TELO2: variants seen among roughly 807,000 people sequenced by gnomAD.
The protein encoded by TELO2 is telomere length regulation protein TEL2 homolog.
TELO2 carries 71 observed loss-of-function variants against 91.0 expected under a neutral mutation model. The ratio of observed to expected loss-of-function variants is 0.78; its 90% confidence interval spans 0.64 to 0.95. The LOEUF is 0.95. Among genes scored for constraint, TELO2 ranks in the 40% least tolerant of loss-of-function variants. The pLI is 0.00. For missense variants in TELO2, 1,183 were observed against 1,141.3 expected (o/e 1.04, Z -0.53); for synonymous variants, 584 against 518.9 (o/e 1.13, Z -1.71).
intron 6 of TELO2, 85 bp from the exon 7 acceptor site, chr16:1,500,011 C>A (rs1386115791): frequency 6.8e-6 from 10 of 1,473,110 alleles, no homozygotes; most frequent in Non-Finnish European, 9.1e-6. Flanking sequence ...TGGTCCCAGT[C>A]CTGGCATGGC....
In TELO2 at chr16:1,501,422, C is replaced by G. The variant is rs1480048813; in HGVS notation, c.1284C>G (p.Tyr428Ter). The part of the protein sequence containing the change: ...HPEGPPLKFQ[Y>*]EEDELSLELL... ...CTGAGCCTGCTCCCCTGCTGTAGTA[C>G]GAAGAGGATGAACTGAGCCTCGAGC... Residue 428 changes from tyrosine to a stop codon, truncating the protein, a stop_gained and splice_region_variant, in exon 10 of 21, where the codon TAC becomes TAG. Transcript: ENST00000262319. LOFTEE classifies it high-confidence loss of function. 2 of 1,612,234 alleles carry G rather than the reference C, an allele frequency of 1.2e-6. No individual in the cohort carries two copies. Among genetic ancestry groups the G allele is most frequent in the African/African-American group, 1.3e-5 (1 of 74,902 alleles).
At position 1,495,410 on chromosome 16, in the gene TELO2, G is replaced by T. The variant is rs546381064; in HGVS notation, c.400G>T (p.Ala134Ser). The T allele has an allele frequency of 1.1e-4, 172 of 1,590,948 alleles. 3 individuals carry two copies. In the South Asian group the frequency reaches 1.9e-3, roughly 18 times the overall value. Residue 134 changes from alanine to serine, a missense_variant, in exon 3 of 21, where the codon GCA becomes TCA. Ala to Ser is a moderately conservative substitution (Grantham distance 99). Transcript: ENST00000262319. Reference protein sequence around the residue: ...LARFLREGRLAVLMEAQCRQQ... With the variant: ...LARFLREGRLSVLMEAQCRQQ... Reference sequence around the variant, plus strand: ...CAGATTCCTGCGCGAGGGCCGGCTGGCAGTGCTGATGGAGGCGCAGTGTCG... The same window carrying T: ...CAGATTCCTGCGCGAGGGCCGGCTGTCAGTGCTGATGGAGGCGCAGTGTCG...
Position 1,507,291 on chromosome 16 carries a change from T to C in TELO2, c.2227-15T>C. On this transcript the variant is annotated splice_polypyrimidine_tract_variant and intron_variant, in intron 18 of 20. Coordinates refer to ENST00000262319, the MANE Select transcript of TELO2 (RefSeq NM_016111.4). ...GCGTCGGGACCCCACTGACTGTCCCTCTGCTGGTGTCCAGGTGGCTGTGGC... is the reference window on the plus strand; with the variant it reads ...GCGTCGGGACCCCACTGACTGTCCCCCTGCTGGTGTCCAGGTGGCTGTGGC... 6.2e-7 allele frequency: 1 copy of C among 1,607,138 alleles called. No homozygotes were observed.
In TELO2 at chr16:1,494,874, C is replaced by G. The variant is rs2039421060; in HGVS notation, c.335+258C>G. On this transcript the variant is annotated intron_variant, in intron 2 of 20. Transcript: ENST00000262319. The surrounding 1 kb of genome is among the most constrained non-coding windows in gnomAD (Gnocchi z 5.6). Reference sequence around the variant, plus strand: ...AGGGATGGGGTGGGAGTGTTCACATCCCAGGCGGCAGAGGCAGCCCGTCAG... The same window carrying G: ...AGGGATGGGGTGGGAGTGTTCACATGCCAGGCGGCAGAGGCAGCCCGTCAG... Among the ~76,000 whole-genome samples the G allele has an allele frequency of 6.6e-6, 1 of 152,168 alleles. No homozygotes were observed. Among genetic ancestry groups the G allele is most frequent in the Admixed American group, 6.5e-5 (1 of 15,284 alleles).
rs754820104 is a variant in TELO2 at position 1,502,323 on chromosome 16, G to A, written c.1572G>A (p.Thr524=). ...CTGGGTTCTGTGCAGCCCTGACCAC[G>A]TCTGAGGACATAGAGCGCTGGGAGG... is the stretch of plus-strand genomic sequence containing the variant. ...YVRDCVEALT[T]SEDIERWEAA... is the part of the protein sequence containing the mutation. The change falls in exon 13 of 21, where the codon ACG becomes ACA. Residue 524 remains threonine, a synonymous_variant. Transcript: ENST00000262319. The A allele has an allele frequency of 1.6e-5, 26 of 1,605,404 alleles. No individual in the cohort carries two copies. The highest frequency in any genetic ancestry group is 4.5e-5 in the East Asian group (2 of 44,608).
At chr16:1,507,871 T>TTGGCCCGGG (rs1164793926) in intron 20 of TELO2, among the ~76,000 whole-genome samples, 155 bp downstream of exon 20, 1 of 83,606 alleles carries the variant, frequency 1.2e-5, no homozygotes, top group Non-Finnish European at 2.2e-5. Flanking sequence ...TGTGTGTGTG[T>TTGGCCCGGG]GTGTGTGTGT....
At chr16:1,504,874 G>GCCT (rs112754808) in intron 15 of TELO2, among the ~76,000 whole-genome samples, 14,585 of 152,030 alleles carry the variant, frequency 0.096, 1,190 homozygotes, top group East Asian at 0.18. Context: ...TCACGCAGCC[G>GCCT]CCTCTGTCTA....
At position 1,494,130 on chromosome 16, in the gene TELO2, G is replaced by C. The variant is rs2039395789; in HGVS notation, c.-36-116G>C. ...ACTGGAGGGGAAGGAGGCGGGACAG[G>C]GTTGGGTGGGACCAGGGTTGAGGGG... On this transcript the variant is annotated intron_variant, in intron 1 of 20. Coordinates refer to ENST00000262319, the MANE Select transcript of TELO2 (RefSeq NM_016111.4). The surrounding 1 kb of genome is among the most constrained non-coding windows in gnomAD (Gnocchi z 5.6). 1.5e-6 allele frequency: 1 copy of C among 676,682 alleles called. No individual in the cohort carries two copies. Among genetic ancestry groups the C allele is most frequent in the African/African-American group, 1.8e-5 (1 of 55,404 alleles). The allele number at this position is 676,682 out of a possible 1,614,324, so 41.9% of individuals were successfully genotyped here.
intron 15 of TELO2, among the ~76,000 whole-genome samples, chr16:1,503,757 A>C (rs1323854883): frequency 2.0e-5 from 3 of 152,142 alleles, no homozygotes; most frequent in African/African-American, 7.2e-5. Flanking sequence ...TTGGGAAGGC[A>C]AAAGAGTTCT....
In TELO2 at chr16:1,497,318, G is replaced by A; in HGVS notation, c.683-43G>A. 2.6e-6 allele frequency: 4 copies of A among 1,512,520 alleles called. No individual in the cohort carries two copies. The highest frequency in any genetic ancestry group is 2.5e-5 in the East Asian group (1 of 40,392). The allele number at this position is 1,512,520 out of a possible 1,614,324, so 93.7% of individuals were successfully genotyped here. A position where few individuals can be genotyped will look rare whatever the true frequency, so the allele number is the denominator to read the frequency against. On this transcript the variant is annotated intron_variant, in intron 4 of 20. Transcript: ENST00000262319. This position sits in a 1 kb window ranked among gnomAD's most constrained non-coding sequence, Gnocchi z 4.0. ...ACCCACACAGCCCCAGACACCAGGT[G>A]GGTGCAGCTCCCCAGGCTCAGGTCC...
chr16:1,500,265 G>A (rs946316547), intron 7 of TELO2, 82 bp from the exon 8 acceptor site: 56 of 1,530,772 alleles, frequency 3.7e-5, no homozygotes, highest in Non-Finnish European at 4.9e-5. Context: ...GGCTGGGGCG[G>A]AGCTCCCTCA....
chr16:1,499,144 G>A (rs1388567886), intron 5 of TELO2, 87 bp from the exon 6 acceptor site: 17 of 1,393,960 alleles, frequency 1.2e-5, no homozygotes, highest in South Asian at 3.5e-5. Flanking sequence ...GAGTCAGGCC[G>A]CCGTCTGTGG....
At position 1,497,598 on chromosome 16, in the gene TELO2, G is replaced by T. The variant is rs899041826; in HGVS notation, c.830+90G>T. On this transcript the variant is annotated intron_variant, in intron 5 of 20. Transcript: ENST00000262319. This position sits in a 1 kb window ranked among gnomAD's most constrained non-coding sequence, Gnocchi z 4.0. ...TTCCTTCACGCTACTTCTCCTGGGCGCCGTGCTGCAGCTGGCACCCCCATG... is the reference window on the plus strand; with the variant it reads ...TTCCTTCACGCTACTTCTCCTGGGCTCCGTGCTGCAGCTGGCACCCCCATG... 2 of 1,453,868 alleles carry T rather than the reference G, an allele frequency of 1.4e-6. No individual in the cohort carries two copies. Among genetic ancestry groups the T allele is most frequent in the Non-Finnish European group, 1.8e-6 (2 of 1,100,310 alleles). 90.1% of individuals were successfully genotyped at this position (1,453,868 alleles called of 1,614,324 possible). A position where few individuals can be genotyped will look rare whatever the true frequency, so the allele number is the denominator to read the frequency against.
chr16:1,502,205 A>G, intron 12 of TELO2, 70 bp downstream of exon 12: 1 of 1,594,896 alleles, frequency 6.3e-7, no homozygotes, highest in Non-Finnish European at 8.5e-7. Flanking sequence ...GTTCTGCCTC[A>G]AGGGGCCACC....
intron 20 of TELO2, 46 bp from the exon 21 acceptor site, chr16:1,509,784 C>G (rs765989292): frequency 1.2e-4 from 189 of 1,525,400 alleles, no homozygotes; most frequent in Non-Finnish European, 1.6e-4. Context: ...AGGGAGAATA[C>G]GCCCTCCACG....
chr16:1,501,296 G>T (rs1488742810), intron 9 of TELO2, 124 bp from the exon 10 acceptor site: 2 of 1,013,036 alleles, frequency 2.0e-6, no homozygotes, highest in East Asian at 5.2e-5. Context: ...GCTATCCAGG[G>T]CCCAGCCACT....
intron 3 of TELO2, among the ~76,000 whole-genome samples, chr16:1,496,748 G>A (rs1253843534): frequency 3.3e-5 from 5 of 152,228 alleles, no homozygotes; most frequent in Admixed American, 1.3e-4. Flanking sequence ...CCCTATCGAT[G>A]CTTTCTCTCC....
intron 17 of TELO2, 120 bp from the exon 18 acceptor site, chr16:1,506,832 G>A (rs1378173052): frequency 3.5e-6 from 5 of 1,435,158 alleles, no homozygotes; most frequent in Non-Finnish European, 3.6e-6. Flanking sequence ...GTGCAGGCAA[G>A]GCGGTGGGCA....
In TELO2 at chr16:1,497,176, G is replaced by A. The variant is rs1231203908; in HGVS notation, c.682+72G>A. On this transcript the variant is annotated intron_variant, in intron 4 of 20. Transcript: ENST00000262319. The surrounding 1 kb of genome is among the most constrained non-coding windows in gnomAD (Gnocchi z 4.0). ...GCCCATCAGCCTTCTGCAGAAGGCC[G>A]AGAATCCCTCCTGACCCTGGCCCTC... The A allele has an allele frequency of 1.1e-5, 18 of 1,589,016 alleles. No individual in the cohort carries two copies. Among genetic ancestry groups the A allele is most frequent in the Admixed American group, 3.4e-5 (2 of 58,338 alleles).
Sources: gnomAD v4.1 joint callset for allele counts (sites outside exome capture counted in the v4.1 genomes callset) on GRCh38, gnomAD v4.1.1 for gene constraint, Gnocchi (gnomAD v3.1) non-coding constraint, MANE v1.5 for transcripts, NCBI Gene and HGNC (gene_info 2026-07-23, HGNC 2026-07-21) for gene names.